TACR3: variants seen among roughly 807,000 people sequenced by gnomAD.
The protein encoded by TACR3 is neuromedin-K receptor.
Under a neutral mutation model 35.0 loss-of-function variants are expected in TACR3, and 34 were observed. That is an observed-to-expected ratio of 0.97 (90% CI 0.74 to 1.30). The LOEUF is 1.30. TACR3 is among the 50% of genes most tolerant of loss of function. The pLI is 0.00. For missense variants in TACR3, 558 were observed against 591.7 expected, an observed-to-expected ratio of 0.94 and a Z score of 0.59; for synonymous variants, 233 against 221.1, an observed-to-expected ratio of 1.05 and a Z score of -0.48.
chr4:103,628,472 C>A (rs1165253246), intron 3 of TACR3, among the ~76,000 whole-genome samples: 2 of 152,086 alleles, frequency 1.3e-5, no homozygotes, highest in Non-Finnish European at 2.9e-5. Flanking sequence ...GGGATATCAC[C>A]ACTGATCCCA....
chr4:103,610,398 T>C (rs144860237), intron 3 of TACR3, among the ~76,000 whole-genome samples: 1 of 152,268 alleles, frequency 6.6e-6, no homozygotes, highest in East Asian at 1.9e-4. Context: ...GTTTTTCATA[T>C]ACCTGTTAGT....
At chr4:103,620,063 C>A (rs1057348960) in intron 3 of TACR3, among the ~76,000 whole-genome samples, 4 of 151,276 alleles carry the variant, frequency 2.6e-5, no homozygotes, top group Admixed American at 6.6e-5. Context: ...AAAAAAAAAA[C>A]CTTATTTTAA....
intron 1 of TACR3, among the ~76,000 whole-genome samples, chr4:103,702,489 G>A (rs1021849841): frequency 3.7e-4 from 56 of 152,192 alleles, no homozygotes; most frequent in Non-Finnish European, 8.8e-5. Flanking sequence ...GGAAGTCAGT[G>A]TGGTGATTTC....
At chr4:103,697,069 G>C (rs115658598) in intron 1 of TACR3, among the ~76,000 whole-genome samples, 4,145 of 152,186 alleles carry the variant, frequency 0.027, 210 homozygotes, top group African/African-American at 0.095. Flanking sequence ...GTGAGCCACT[G>C]TTCCAGGTCT....
At chr4:103,710,164 A>T (rs912593784) in intron 1 of TACR3, among the ~76,000 whole-genome samples, 1 of 152,190 alleles carries the variant, frequency 6.6e-6, no homozygotes, top group African/African-American at 2.4e-5. Context: ...GACCTAATAG[A>T]CATCTACAGA....
intron 3 of TACR3, among the ~76,000 whole-genome samples, chr4:103,636,249 C>G (rs1283956879): frequency 6.6e-6 from 1 of 151,840 alleles, no homozygotes; most frequent in Non-Finnish European, 1.5e-5. Flanking sequence ...CCCATCTGAA[C>G]TAAAAAACAC....
At chr4:103,698,696 A>G (rs1722581754) in intron 1 of TACR3, among the ~76,000 whole-genome samples, 1 of 152,148 alleles carries the variant, frequency 6.6e-6, no homozygotes. Flanking sequence ...ATGAACTCAT[A>G]CAGTCAAATG....
chr4:103,590,681 T>C (rs1327856501), intron 4 of TACR3, among the ~76,000 whole-genome samples: 1 of 152,144 alleles, frequency 6.6e-6, no homozygotes, highest in Non-Finnish European at 1.5e-5. Flanking sequence ...TAGGATTTAA[T>C]TCATGCAGTT....
chr4:103,686,819 A>C (rs1431749211), intron 1 of TACR3, among the ~76,000 whole-genome samples: 2 of 152,162 alleles, frequency 1.3e-5, no homozygotes, highest in African/African-American at 4.8e-5. Flanking sequence ...CCAGAGGTAC[A>C]AGGAGGAACT....
chr4:103,697,241 T>A (rs1722540107), intron 1 of TACR3, among the ~76,000 whole-genome samples: 1 of 152,144 alleles, frequency 6.6e-6, no homozygotes, highest in Non-Finnish European at 1.5e-5. Context: ...TTGATTATGA[T>A]GTTAATCTGT....
chr4:103,604,495 T>C (rs1297137468), intron 3 of TACR3, among the ~76,000 whole-genome samples: 1 of 152,022 alleles, frequency 6.6e-6, no homozygotes, highest in African/African-American at 2.4e-5. Context: ...GACTTCATGA[T>C]TAAAACACCA....
rs1321909515 is a variant in TACR3, at chr4:103,719,135, C to G, written c.541G>C (p.Val181Leu). 2.5e-6 allele frequency: 4 copies of G among 1,614,208 alleles called. No individual in the cohort carries two copies. Among genetic ancestry groups the G allele is most frequent in the African/African-American group, 2.7e-5 (2 of 75,048 alleles). Residue 181 changes from valine to leucine, a missense_variant, in exon 1 of 5, where the codon GTG (valine) becomes CTG (leucine). Val to Leu is a conservative substitution (Grantham distance 32, BLOSUM62 1). Transcript: ENST00000304883. ...TGTCTGTCCTCTCCTCACCTGTCCA[C>G]CGCAATGGCCGTCATGGAGTAGATG... ...ASIYSMTAIA[V>L]DRYMAIIDPL...
At chr4:103,668,964 ATCATT>A (rs1725995678) in intron 1 of TACR3, among the ~76,000 whole-genome samples, 1 of 152,096 alleles carries the variant, frequency 6.6e-6, no homozygotes, top group African/African-American at 2.4e-5. Flanking sequence ...TCAAGGATTT[ATCATT>A]TCTTTGTGTT....
At chr4:103,711,468 A>G (rs1722957763) in intron 1 of TACR3, among the ~76,000 whole-genome samples, 1 of 152,218 alleles carries the variant, frequency 6.6e-6, no homozygotes, top group Admixed American at 6.5e-5. Context: ...AACTCTCAAT[A>G]AATTAGGTAT....
intron 3 of TACR3, among the ~76,000 whole-genome samples, chr4:103,617,839 A>G (rs1031280816): frequency 6.6e-6 from 1 of 152,212 alleles, no homozygotes; most frequent in African/African-American, 2.4e-5. Context: ...TTTTTTAAGT[A>G]ATGACTTAAA....
At chr4:103,627,455 C>G (rs974127042) in intron 3 of TACR3, among the ~76,000 whole-genome samples, 1 of 151,186 alleles carries the variant, frequency 6.6e-6, no homozygotes, top group Non-Finnish European at 1.5e-5. Context: ...ACCTGGGCGG[C>G]AGAGGTAGCA....
intron 1 of TACR3, among the ~76,000 whole-genome samples, chr4:103,712,399 T>G (rs955168697): frequency 2.0e-4 from 30 of 152,090 alleles, no homozygotes; most frequent in African/African-American, 2.7e-4. Flanking sequence ...AATAAATGGT[T>G]CTGGGAAAAT....
intron 3 of TACR3, among the ~76,000 whole-genome samples, chr4:103,627,485 C>T (rs560504582): frequency 3.0e-4 from 46 of 151,494 alleles, no homozygotes; most frequent in African/African-American, 9.9e-4. Flanking sequence ...GACTGCTCCA[C>T]GGCACTCCAG....
At chr4:103,650,192 C>A (rs1725557475) in intron 3 of TACR3, among the ~76,000 whole-genome samples, 1 of 151,796 alleles carries the variant, frequency 6.6e-6, no homozygotes, top group Non-Finnish European at 1.5e-5. Flanking sequence ...CAAATATAGT[C>A]CCTTTTCCTG....
Sources: allele counts gnomAD v4.1 joint callset (sites outside exome capture counted in the v4.1 genomes callset), GRCh38; gene constraint gnomAD v4.1.1; transcripts MANE v1.5; gene names NCBI Gene and HGNC (gene_info 2026-07-23, HGNC 2026-07-21).